Variants in ABCC6 observed in about 807,000 individuals in gnomAD.
The protein encoded by ABCC6 is ATP-binding cassette sub-family C member 6.
ABCC6 carries 126 observed loss-of-function variants against 169.5 expected under a neutral mutation model. That is an observed-to-expected ratio of 0.74 (90% CI 0.64 to 0.86). The LOEUF (loss-of-function observed/expected upper bound fraction) is 0.86, where lower values mean the gene tolerates loss of function less well. Among genes scored for constraint, ABCC6 ranks in the 40% least tolerant of loss-of-function variants. ABCC6 has a pLI of 0.00. For missense variants in ABCC6, 1,733 were observed against 1,927.2 expected (o/e 0.90, Z 1.89); for synonymous variants, 752 against 814.7 (o/e 0.92, Z 1.31).
chr16:16,194,571 T>C (rs541491272), intron 10 of ABCC6, among the ~76,000 whole-genome samples: 1 of 152,342 alleles, frequency 6.6e-6, no homozygotes, highest in South Asian at 2.1e-4. Context: ...GCTGTGACTT[T>C]CTGAGATTTC....
At chr16:16,195,602 C>A (rs900685530) in intron 10 of ABCC6, among the ~76,000 whole-genome samples, 1 of 152,098 alleles carries the variant, frequency 6.6e-6, no homozygotes, top group African/African-American at 2.4e-5. Context: ...CGTGAGCCAC[C>A]GTGCCCCGCC....
intron 9 of ABCC6, among the ~76,000 whole-genome samples, chr16:16,199,153 G>A (rs1430881386): frequency 2.0e-5 from 3 of 149,230 alleles, no homozygotes; most frequent in Admixed American, 1.4e-4. Context: ...GGGCAACAGA[G>A]CAAGACCCTG....
intron 4 of ABCC6, among the ~76,000 whole-genome samples, chr16:16,215,024 AATGAG>A (rs2048805305): frequency 6.6e-6 from 1 of 152,228 alleles, no homozygotes; most frequent in South Asian, 2.1e-4. Flanking sequence ...CTGCTGGGAC[AATGAG>A]ATGAAGAAAC....
intron 2 of ABCC6, among the ~76,000 whole-genome samples, chr16:16,220,938 A>G (rs2049050792): frequency 6.6e-6 from 1 of 151,594 alleles, no homozygotes; most frequent in African/African-American, 2.4e-5. Context: ...AGTCATGACT[A>G]TTGTCTATGG....
Position 16,161,541 on chromosome 16 carries a change from A to G in ABCC6, c.3530T>C (p.Leu1177Pro). The G allele has an allele frequency of 6.2e-7, 1 of 1,613,938 alleles. No individual in the cohort carries two copies. The highest frequency in any genetic ancestry group is 8.5e-7 in the Non-Finnish European group (1 of 1,180,018). The change falls in exon 25 of 31, where the codon CTC becomes CCC. Residue 1177 changes from leucine (L) to proline (P), a missense_variant. Around this residue, in one of 5 missense-constraint regions of ABCC6, gnomAD observed 1,601 missense variants for 1,635.5 expected, o/e 0.98. Transcript: ENST00000205557. ...ADRWLAANVELLGNGLVFAAA... is the reference protein window; with the variant it reads ...ADRWLAANVEPLGNGLVFAAA... ...TGCAAACACCAGGCCATTCCCCAGG[A>G]GCTCCACATTGGCCGCAAGCCACCT...
intron 5 of ABCC6, among the ~76,000 whole-genome samples, chr16:16,213,558 CTTTTT>C (rs61603385): frequency 5.5e-5 from 4 of 72,382 alleles, no homozygotes; most frequent in Non-Finnish European, 8.3e-5. Context: ...CTTTTTCCTT[CTTTTT>C]TTTTTTTTTT....
At chr16:16,221,548 C>A in intron 2 of ABCC6, 101 bp downstream of exon 2, 1 of 1,542,838 alleles carries the variant, frequency 6.5e-7, no homozygotes, top group Middle Eastern at 1.7e-4. Context: ...CCTTCTACAC[C>A]CCGATAGGAG....
intron 9 of ABCC6, among the ~76,000 whole-genome samples, chr16:16,200,683 C>A (rs546653860): frequency 6.7e-6 from 1 of 149,884 alleles, no homozygotes; most frequent in Non-Finnish European, 1.5e-5. Flanking sequence ...GCTGCCCTCT[C>A]GGCCACCTAG....
intron 4 of ABCC6, among the ~76,000 whole-genome samples, chr16:16,215,028 A>G (rs1406045718): frequency 6.6e-6 from 1 of 152,246 alleles, no homozygotes; most frequent in African/African-American, 2.4e-5. Context: ...TGGGACAATG[A>G]GATGAAGAAA....
At chr16:16,211,469 A>G (rs1393441191) in intron 6 of ABCC6, among the ~76,000 whole-genome samples, 1 of 152,146 alleles carries the variant, frequency 6.6e-6, no homozygotes, top group Non-Finnish European at 1.5e-5. Context: ...TGCTTTACAG[A>G]TCTCATCTTA....
rs58394656 is a variant in ABCC6 at position 16,197,959 on chromosome 16, G to C, written c.1338+62C>G. 429,538 of 1,519,816 alleles carry C rather than the reference G, an allele frequency of 0.28. 63,728 individuals carry two copies. The highest frequency in any genetic ancestry group is 0.31 in the Non-Finnish European group (348,017 of 1,118,282). 94.1% of individuals were successfully genotyped at this position (1,519,816 alleles called of 1,614,324 possible). A position where few individuals can be genotyped will look rare whatever the true frequency, so the allele number is the denominator to read the frequency against. On this transcript the variant is annotated intron_variant, in intron 10 of 30. Coordinates refer to ENST00000205557, the MANE Select transcript of ABCC6 (RefSeq NM_001171.6). ...GGAGGAAGGGTGGGAGGGGGAAGGA[G>C]GAGGGGGAGAAGGAGGGGGTGGGGG...
At position 16,182,499 on chromosome 16, in the gene ABCC6, G is replaced by T; in HGVS notation, c.2160C>A (p.Pro720=). The change falls in exon 17 of 31, where the codon CCC becomes CCA. Residue 720 remains proline (P), a synonymous_variant. Coordinates refer to ENST00000205557, the MANE Select transcript of ABCC6 (RefSeq NM_001171.6). ...NVCFGQELDP[P]WLERVLEACA... is the part of the protein sequence containing the mutation. ...AGGCTTCTAGTACTCTCTCCAGCCA[G>T]GGTGGGTCCAGCTCCTGCCCGAAGC... The T allele has an allele frequency of 1.2e-6, 2 of 1,614,184 alleles. No individual in the cohort carries two copies. The highest frequency in any genetic ancestry group is 1.7e-6 in the Non-Finnish European group (2 of 1,180,020).
chr16:16,169,085 TAAAATAAA>T (rs1367462857), intron 22 of ABCC6, among the ~76,000 whole-genome samples: 1 of 151,916 alleles, frequency 6.6e-6, no homozygotes. Context: ...TGTCTCAAAA[TAAAATAAA>T]CAAATAAATA....
At chr16:16,197,899 G>A (rs536548778) in intron 10 of ABCC6, 122 bp downstream of exon 10, 1,672 of 1,192,888 alleles carry the variant, frequency 1.4e-3, no homozygotes, top group Non-Finnish European at 1.7e-3. Context: ...GGGTCACAGC[G>A]GACCTCTTCC....
At chr16:16,197,880 C>T (rs1489341920) in intron 10 of ABCC6, 141 bp downstream of exon 10, 13 of 1,018,694 alleles carry the variant, frequency 1.3e-5, no homozygotes, top group East Asian at 5.3e-5. Context: ...CAGACTTGCC[C>T]TAACCCTGGG....
At position 16,161,529 on chromosome 16, in the gene ABCC6, C is replaced by T. The variant is rs114928628; in HGVS notation, c.3542G>A (p.Gly1181Asp). 3.1e-6 allele frequency: 5 copies of T among 1,613,978 alleles called. No homozygotes were observed. The highest frequency in any genetic ancestry group is 4.2e-6 in the Non-Finnish European group (5 of 1,180,022). The change falls in exon 25 of 31, where the codon GGC (glycine) becomes GAC (aspartate). Residue 1181 changes from glycine (G) to aspartate (D), a missense_variant. Physicochemically the swap from Gly to Asp is moderately conservative, Grantham distance 94. Transcript: ENST00000205557. Reference sequence around the variant, plus strand: ...ACACGTGGCAGCTGCAAACACCAGGCCATTCCCCAGGAGCTCCACATTGGC... The same window carrying T: ...ACACGTGGCAGCTGCAAACACCAGGTCATTCCCCAGGAGCTCCACATTGGC... ...LAANVELLGN[G>D]LVFAAATCAV...
At chr16:16,187,030 C>T (rs1460715996) in intron 14 of ABCC6, 94 bp downstream of exon 14, 3 of 1,112,342 alleles carry the variant, frequency 2.7e-6, no homozygotes, top group Non-Finnish European at 4.0e-6. Context: ...CCCCCATCTC[C>T]CCCCAGTACT....
At chr16:16,206,222 T>C (rs892320756) in intron 7 of ABCC6, among the ~76,000 whole-genome samples, 3 of 152,204 alleles carry the variant, frequency 2.0e-5, no homozygotes, top group African/African-American at 7.2e-5. Flanking sequence ...GTCTGACGTC[T>C]GGTCTCTGGA....
intron 12 of ABCC6, among the ~76,000 whole-genome samples, chr16:16,189,806 C>A (rs577007273): frequency 1.3e-5 from 2 of 152,272 alleles, no homozygotes; most frequent in South Asian, 4.1e-4. Flanking sequence ...ACAAGGATCA[C>A]GTCCAGTGAC....
Sources: allele counts gnomAD v4.1 joint callset (sites outside exome capture counted in the v4.1 genomes callset), GRCh38; gene constraint gnomAD v4.1.1; regional missense constraint gnomAD v4.1.1; transcripts MANE v1.5; gene names NCBI Gene and HGNC (gene_info 2026-07-23, HGNC 2026-07-21).